Variants in DACH2 observed in about 807,000 individuals in gnomAD.
DACH2 encodes dachshund family transcription factor 2, also known as dachshund homolog 2.
Under a neutral mutation model 35.8 loss-of-function variants are expected in DACH2, and 17 were observed. That is an observed-to-expected ratio of 0.48 (90% CI 0.33 to 0.71). The LOEUF (loss-of-function observed/expected upper bound fraction) is 0.71, where lower values mean the gene tolerates loss of function less well. Among genes scored for constraint, DACH2 ranks in the 30% least tolerant of loss-of-function variants. The pLI is 0.02. For synonymous variants in DACH2, 195 were observed against 177.3 expected (o/e 1.10, Z -0.79); for missense variants, 469 against 472.7 (o/e 0.99, Z 0.07).
intron 1 of DACH2, among the ~76,000 whole-genome samples, chrX:86,219,930 C>A (rs1432060792): frequency 9.8e-6 from 1 of 101,766 alleles, no homozygotes; most frequent in Non-Finnish European, 2.0e-5. Flanking sequence ...CCAAGGCGGG[C>A]AGGATCATTT....
chrX:86,319,914 C>T (rs974249744), intron 1 of DACH2, among the ~76,000 whole-genome samples: 2 of 111,615 alleles, frequency 1.8e-5, no homozygotes, highest in African/African-American at 3.3e-5. Context: ...TTGCTAATTT[C>T]CCAATTGGAT....
intron 3 of DACH2, among the ~76,000 whole-genome samples, chrX:86,577,444 C>T (rs1602664181): frequency 9.0e-6 from 1 of 110,514 alleles, no homozygotes; most frequent in Non-Finnish European, 1.9e-5. Flanking sequence ...GAAGAATAGG[C>T]TTTTTATAGG....
chrX:86,673,119 A>T (rs1159375012), intron 4 of DACH2, among the ~76,000 whole-genome samples: 1 of 110,595 alleles, frequency 9.0e-6, no homozygotes, highest in Non-Finnish European at 1.9e-5. Context: ...GTGGATCACG[A>T]GGTCAGGAGA....
chrX:86,702,219 AAATG>A (rs1314229206), intron 5 of DACH2, among the ~76,000 whole-genome samples: 1 of 111,515 alleles, frequency 9.0e-6, no homozygotes, highest in Non-Finnish European at 1.9e-5. Flanking sequence ...AAAATATTCA[AAATG>A]AATGATAATG....
At chrX:86,577,798 C>T (rs1157733483) in intron 3 of DACH2, among the ~76,000 whole-genome samples, 3 of 111,182 alleles carry the variant, frequency 2.7e-5, no homozygotes, top group Non-Finnish European at 5.7e-5. Flanking sequence ...CACCTAATAA[C>T]GTCTTCCTAA....
At chrX:86,507,594 A>G (rs1217931445) in intron 2 of DACH2, among the ~76,000 whole-genome samples, 3 of 111,511 alleles carry the variant, frequency 2.7e-5, no homozygotes, top group Non-Finnish European at 3.8e-5. Flanking sequence ...TCTGTGGTCA[A>G]ATACTACGGT....
rs55937312 is a variant in DACH2 at position 86,355,864 on chromosome X, A to ATT, written c.489-20955_489-20954dup. Reference sequence around the variant, plus strand: ...AAGGGTCTGTTCATGCCCTTTGTCCATTTTTTAATGGGGTTGTTTCTTTTT... The same window carrying ATT: ...AAGGGTCTGTTCATGCCCTTTGTCCATTTTTTTTAATGGGGTTGTTTCTTTTT... On this transcript the variant is annotated intron_variant, in intron 1 of 11. Transcript: ENST00000373125. 8.2e-4 allele frequency among the ~76,000 whole-genome samples: 89 copies of ATT among 108,929 alleles called. No homozygotes were observed. The East Asian group carries it at 0.024, about 29-fold the overall frequency. 94.6% of individuals were successfully genotyped at this position (108,929 alleles called of 115,157 possible). A position where few individuals can be genotyped will look rare whatever the true frequency, so the allele number is the denominator to read the frequency against.
chrX:86,658,629 C>G (rs1280551958), intron 4 of DACH2, among the ~76,000 whole-genome samples: 3 of 111,436 alleles, frequency 2.7e-5, no homozygotes, highest in Non-Finnish European at 5.7e-5. Flanking sequence ...AGTCTGTGTA[C>G]TATTTCTCAT....
chrX:86,178,319 C>CT (rs1289864745), intron 1 of DACH2, among the ~76,000 whole-genome samples: 5 of 111,259 alleles, frequency 4.5e-5, no homozygotes, highest in East Asian at 2.8e-4. Flanking sequence ...CAGCCTATCT[C>CT]TTTTTTTGTA....
chrX:86,783,827 C>T (rs1331877366), intron 7 of DACH2, among the ~76,000 whole-genome samples: 2 of 110,898 alleles, frequency 1.8e-5, no homozygotes, highest in Non-Finnish European at 3.8e-5. Flanking sequence ...AAGAAGGCTA[C>T]CAGAGGGTGA....
intron 4 of DACH2, among the ~76,000 whole-genome samples, chrX:86,663,783 G>A (rs185982439): frequency 1.1e-4 from 12 of 111,630 alleles, no homozygotes; most frequent in Non-Finnish European, 1.5e-4. Flanking sequence ...AACCTAATGC[G>A]TTATCAGACC....
At chrX:86,402,831 C>G (rs769065724) in intron 2 of DACH2, among the ~76,000 whole-genome samples, 1 of 112,119 alleles carries the variant, frequency 8.9e-6, no homozygotes, top group East Asian at 2.8e-4. Flanking sequence ...GTTACAAAAA[C>G]AGCCATATTG....
chrX:86,808,027 T>G (rs968489430), intron 7 of DACH2, among the ~76,000 whole-genome samples: 2 of 111,515 alleles, frequency 1.8e-5, no homozygotes, highest in African/African-American at 6.5e-5. Flanking sequence ...AGCTAGAGAG[T>G]GAACAGATTA....
chrX:86,616,391 A>G (rs763977275), intron 3 of DACH2, among the ~76,000 whole-genome samples: 1 of 111,969 alleles, frequency 8.9e-6, no homozygotes, highest in African/African-American at 3.2e-5. Context: ...TCCCATCTAC[A>G]GTGTATAAGC....
At chrX:86,646,238 G>T (rs2040413523) in intron 3 of DACH2, among the ~76,000 whole-genome samples, 1 of 109,922 alleles carries the variant, frequency 9.1e-6, no homozygotes, top group African/African-American at 3.3e-5. Context: ...GGAGCTAAAT[G>T]ACATGTATAC....
At chrX:86,482,340 A>T (rs1337100454) in intron 2 of DACH2, among the ~76,000 whole-genome samples, 1 of 112,232 alleles carries the variant, frequency 8.9e-6, no homozygotes, top group Non-Finnish European at 1.9e-5. Flanking sequence ...ACATAAAAAT[A>T]AATTCTCCAG....
intron 3 of DACH2, among the ~76,000 whole-genome samples, chrX:86,625,445 T>A (rs866276552): frequency 6.3e-5 from 7 of 111,271 alleles, no homozygotes; most frequent in Admixed American, 9.6e-5. Context: ...ATACTGTATG[T>A]GTGTAATTCA....
chrX:86,285,751 G>A (rs2147990014), intron 1 of DACH2, among the ~76,000 whole-genome samples: 1 of 111,770 alleles, frequency 8.9e-6, no homozygotes, highest in South Asian at 3.7e-4. Flanking sequence ...TCTGTCCAAT[G>A]CTGAAAGTGG....
intron 2 of DACH2, among the ~76,000 whole-genome samples, chrX:86,512,489 A>G (rs762043254): frequency 9.0e-6 from 1 of 111,689 alleles, no homozygotes; most frequent in African/African-American, 3.2e-5. Flanking sequence ...GCTGGCAGTC[A>G]TATGGCTCAT....
Sources: allele counts gnomAD v4.1 joint callset (sites outside exome capture counted in the v4.1 genomes callset), GRCh38; gene constraint gnomAD v4.1.1; transcripts MANE v1.5; gene names NCBI Gene and HGNC (gene_info 2026-07-23, HGNC 2026-07-21).